The following FLRT1 variants were observed in gnomAD, a reference collection of about 807,000 sequenced individuals.
FLRT1 encodes leucine-rich repeat transmembrane protein FLRT1.
FLRT1 carries 14 observed loss-of-function variants against 30.9 expected under a neutral mutation model. The ratio of observed to expected loss-of-function variants is 0.45; its 90% CI spans 0.30 to 0.71. The LOEUF (loss-of-function observed/expected upper bound fraction) is 0.71. FLRT1 is among the 30% of genes least tolerant of loss of function. The probability of loss-of-function intolerance (pLI) is 0.08; values close to 1 mark genes in which losing one functional copy is unlikely to be tolerated. For synonymous variants in FLRT1, 368 were observed against 430.4 expected (o/e 0.85, Z 1.80); for missense variants, 737 against 949.2 (o/e 0.78, Z 2.94).
rs1281640188 is a variant in FLRT1, at chr11:64,116,915, T to C, written c.648T>C (p.His216=). 6.2e-7 allele frequency: 1 copy of C among 1,611,598 alleles called. No homozygotes were observed. Among genetic ancestry groups the C allele is most frequent in the South Asian group, 1.1e-5 (1 of 91,088 alleles). ...ACCGCATCTCCACCATCCCGCTGCA[T>C]GCCTTCAAGGGCCTCAACAGCCTGC... ...DDNRISTIPL[H]AFKGLNSLRR... Residue 216 remains histidine (H), a synonymous_variant, in exon 3 of 3, where the codon CAT becomes CAC. Coordinates refer to ENST00000682287, the MANE Select transcript of FLRT1 (RefSeq NM_013280.5).
chr11:64,044,251 CTTT>C (rs34174027), intron 1 of FLRT1, among the ~76,000 whole-genome samples: 6 of 140,380 alleles, frequency 4.3e-5, no homozygotes, highest in Admixed American at 7.1e-5. Flanking sequence ...CCCCCAACAA[CTTT>C]TTTTTTTTTT....
At position 64,064,729 on chromosome 11, in the gene FLRT1, C is replaced by T. The variant is rs529041927; in HGVS notation, c.-1038+28570C>T. Among the ~76,000 whole-genome samples the T allele has an allele frequency of 8.6e-5, 13 of 150,760 alleles. No individual in the cohort carries two copies. The highest frequency in any genetic ancestry group is 3.2e-4 in the African/African-American group (13 of 41,152). ...AGTTCTCCTCTCCCCTCCCTGCCAG[C>T]CCCCCAGCAGGCAGCCAGGCCTGGA... On this transcript the variant is annotated intron_variant, in intron 1 of 2. Coordinates refer to ENST00000682287, the MANE Select transcript of FLRT1 (RefSeq NM_013280.5). The surrounding 1 kb of genome is among the most constrained non-coding windows in gnomAD (Gnocchi z 4.5).
Position 64,082,848 on chromosome 11 carries a change from C to T in FLRT1, c.-1037-20346C>T, listed in dbSNP as rs1322908570. On this transcript the variant is annotated intron_variant, in intron 1 of 2. Transcript: ENST00000682287. This position sits in a 1 kb window ranked among gnomAD's most constrained non-coding sequence, Gnocchi z 4.5. Reference sequence around the variant, plus strand: ...TCACCACGACCCACAGGGCACCAGACACCGAGGTAGGCAGGGCTGTGCCTG... The same window carrying T: ...TCACCACGACCCACAGGGCACCAGATACCGAGGTAGGCAGGGCTGTGCCTG... 6.6e-6 allele frequency: 1 copy of T among 152,418 alleles called. No homozygotes were observed. Among genetic ancestry groups the T allele is most frequent in the African/African-American group, 2.4e-5 (1 of 41,428 alleles). 9.4% of individuals were successfully genotyped at this position (152,418 alleles called of 1,614,324 possible).
chr11:64,065,575 G>A (rs1241041345), intron 1 of FLRT1, among the ~76,000 whole-genome samples: 2 of 152,022 alleles, frequency 1.3e-5, no homozygotes, highest in Non-Finnish European at 2.9e-5. Flanking sequence ...GAATCACGAG[G>A]TCAGGAGATC....
intron 1 of FLRT1, among the ~76,000 whole-genome samples, chr11:64,046,259 G>T (rs1200302157): frequency 6.6e-6 from 1 of 152,292 alleles, no homozygotes; most frequent in Admixed American, 6.5e-5. Context: ...CCCCAGAAGA[G>T]GGACAGGGGC....
At chr11:64,063,705 G>A (rs1029012525) in intron 1 of FLRT1, among the ~76,000 whole-genome samples, 2 of 152,202 alleles carry the variant, frequency 1.3e-5, no homozygotes, top group African/African-American at 4.8e-5. Context: ...ACACACCTCA[G>A]CGGGTGCTGA....
chr11:64,074,458 G>A (rs1944165723), intron 1 of FLRT1, among the ~76,000 whole-genome samples: 2 of 152,214 alleles, frequency 1.3e-5, no homozygotes, highest in Admixed American at 1.3e-4. Context: ...GAACAGCCGT[G>A]GGAGGGAGGA....
At chr11:64,086,107 A>G (rs553143849) in intron 1 of FLRT1, among the ~76,000 whole-genome samples, 91 of 152,264 alleles carry the variant, frequency 6.0e-4, no homozygotes, top group Non-Finnish European at 9.0e-4. Context: ...CCAGGCCATG[A>G]GCACTCAGCA....
chr11:64,110,726 T>C (rs1944847037), intron 2 of FLRT1, among the ~76,000 whole-genome samples: 1 of 151,884 alleles, frequency 6.6e-6, no homozygotes, highest in African/African-American at 2.4e-5. Context: ...CACGCTGAAG[T>C]CTGAGGGATC....
intron 1 of FLRT1, among the ~76,000 whole-genome samples, chr11:64,047,805 G>C (rs1392584151): frequency 6.6e-6 from 1 of 151,396 alleles, no homozygotes; most frequent in Non-Finnish European, 1.5e-5. Context: ...GCTGAGGCAG[G>C]AGAATCGCTT....
intron 1 of FLRT1, among the ~76,000 whole-genome samples, chr11:64,099,830 T>G (rs1944640826): frequency 6.7e-6 from 1 of 148,650 alleles, no homozygotes. Context: ...AATGGATAGA[T>G]GGATGGATGG....
chr11:64,068,814 G>C (rs572718283), intron 1 of FLRT1, among the ~76,000 whole-genome samples: 1 of 152,204 alleles, frequency 6.6e-6, no homozygotes, highest in African/African-American at 2.4e-5. Flanking sequence ...ATCCTTTGTG[G>C]GCCTGTGTCA....
chr11:64,047,857 A>ATT (rs1943613545), intron 1 of FLRT1, among the ~76,000 whole-genome samples: 1 of 148,410 alleles, frequency 6.7e-6, no homozygotes, highest in Non-Finnish European at 1.5e-5. Flanking sequence ...AGATCGTGCC[A>ATT]TTGCACTCCA....
chr11:64,046,790 C>T (rs1590834535), intron 1 of FLRT1, among the ~76,000 whole-genome samples: 1 of 152,166 alleles, frequency 6.6e-6, no homozygotes, highest in Admixed American at 6.5e-5. Flanking sequence ...TGAGCCGCTG[C>T]GCCTGGCCTG....
At chr11:64,076,722 G>T (rs1206067228) in intron 1 of FLRT1, among the ~76,000 whole-genome samples, 1 of 152,172 alleles carries the variant, frequency 6.6e-6, no homozygotes, top group Non-Finnish European at 1.5e-5. Flanking sequence ...GGAGCCGGAG[G>T]TTTGATCCAG....
chr11:64,102,012 A>G (rs946200458), intron 1 of FLRT1, among the ~76,000 whole-genome samples: 1 of 152,180 alleles, frequency 6.6e-6, no homozygotes, highest in South Asian at 2.1e-4. Flanking sequence ...TGCTGGGCTT[A>G]TTAAAACATG....
At chr11:64,110,960 G>C (rs572722123) in intron 2 of FLRT1, among the ~76,000 whole-genome samples, 4 of 152,332 alleles carry the variant, frequency 2.6e-5, no homozygotes, top group East Asian at 1.9e-4. Flanking sequence ...CCTTGGGGAG[G>C]GGGGCGGCAG....
At chr11:64,075,683 T>G (rs1944187467) in intron 1 of FLRT1, among the ~76,000 whole-genome samples, 1 of 152,184 alleles carries the variant, frequency 6.6e-6, no homozygotes. Context: ...TGCTGCTTCT[T>G]TTTTTTGAGA....
chr11:64,079,905 G>A (rs1298994122), intron 1 of FLRT1, among the ~76,000 whole-genome samples: 1 of 152,164 alleles, frequency 6.6e-6, no homozygotes, highest in Non-Finnish European at 1.5e-5. Flanking sequence ...AGTCGTAAAT[G>A]AGGGAGGCAG....
Sources: allele counts gnomAD v4.1 joint callset (sites outside exome capture counted in the v4.1 genomes callset), GRCh38; gene constraint gnomAD v4.1.1; non-coding constraint Gnocchi (gnomAD v3.1); transcripts MANE v1.5; gene names NCBI Gene and HGNC (gene_info 2026-07-23, HGNC 2026-07-21).